The following KIFC3 variants were observed in gnomAD, a reference collection of about 807,000 sequenced individuals.
KIFC3 encodes kinesin family member C3.
KIFC3 carries 60 observed loss-of-function variants against 101.8 expected under a neutral mutation model. The ratio of observed to expected loss-of-function variants is 0.59; its 90% confidence interval spans 0.48 to 0.73. KIFC3 has a LOEUF of 0.73. Among genes scored for constraint, KIFC3 ranks in the 30% least tolerant of loss-of-function variants. The pLI is 0.00. For missense variants in KIFC3, 966 were observed against 1,137.1 expected (o/e 0.85, Z 2.16); for synonymous variants, 476 against 482.7 (o/e 0.99, Z 0.18).
chr16:57,768,509 T>TCACACACA lies in KIFC3; in HGVS notation c.1218+1078_1218+1085dup, dbSNP rs61591593. On this transcript the variant is annotated intron_variant, in intron 9 of 19. Transcript: ENST00000445690. Reference sequence around the variant, plus strand: ...TGGGGGAAGGGCCTACCATATATTCTCACACACACACACACACACACACAC... The same window carrying TCACACACA: ...TGGGGGAAGGGCCTACCATATATTCTCACACACACACACACACACACACACACACACAC... Among the ~76,000 whole-genome samples, 279 of 139,122 alleles carry TCACACACA rather than the reference T, an allele frequency of 2.0e-3. 1 individual carries two copies. Among genetic ancestry groups the TCACACACA allele is most frequent in the African/African-American group, 5.1e-3 (186 of 36,368 alleles). The allele number at this position is 139,122 out of a possible 152,430, so 91.3% of individuals were successfully genotyped here. A position where few individuals can be genotyped will look rare whatever the true frequency, so the allele number is the denominator to read the frequency against.
Position 57,810,327 on chromosome 16 carries a change from C to T in KIFC3, c.109-12045G>A, listed in dbSNP as rs1191621801. Reference sequence around the variant, plus strand: ...CACCACTGCTGCTGCTGCCTTTAAACTGTAGCTTCGCTTTGCTGAGGTTCT... The same window carrying T: ...CACCACTGCTGCTGCTGCCTTTAAATTGTAGCTTCGCTTTGCTGAGGTTCT... On this transcript the variant is annotated intron_variant, in intron 1 of 2. Transcript: ENST00000563028. Among the ~76,000 whole-genome samples the T allele has an allele frequency of 4.6e-5, 7 of 152,360 alleles. No homozygotes were observed. The South Asian group carries it at 1.4e-3, about 32-fold the overall frequency.
chr16:57,812,167 C>T (rs1456221400), intron 1 of KIFC3, among the ~76,000 whole-genome samples: 3 of 151,386 alleles, frequency 2.0e-5, no homozygotes, highest in Non-Finnish European at 2.9e-5. Flanking sequence ...CTCAGCCTAC[C>T]GAGTAGCTGG....
At chr16:57,781,868 C>T (rs1359384615) in intron 3 of KIFC3, 2 of 937,170 alleles carry the variant, frequency 2.1e-6, no homozygotes, top group Non-Finnish European at 2.5e-6. Context: ...AAGTGGTGGA[C>T]CTAGGACCGG....
chr16:57,789,211 G>A (rs1323144080), intron 3 of KIFC3, among the ~76,000 whole-genome samples: 2 of 152,238 alleles, frequency 1.3e-5, no homozygotes, highest in Non-Finnish European at 2.9e-5. Flanking sequence ...GAGTCCGTCC[G>A]AGCAGGGGAA....
At chr16:57,770,262 G>C (rs538402691) in intron 7 of KIFC3, among the ~76,000 whole-genome samples, 3 of 152,392 alleles carry the variant, frequency 2.0e-5, no homozygotes, top group African/African-American at 7.2e-5. Flanking sequence ...ACTGAGCACA[G>C]CCTGTGTGCT....
At position 57,769,983 on chromosome 16, in the gene KIFC3, C is replaced by G. The variant is rs931829599; in HGVS notation, c.940-28G>C. Reference sequence around the variant, plus strand: ...GGCCAGACCAGGAAAAGGCTCAGTACCTCGAGGTGCGGGAGAGAGAGGGGC... The same window carrying G: ...GGCCAGACCAGGAAAAGGCTCAGTAGCTCGAGGTGCGGGAGAGAGAGGGGC... On this transcript the variant is annotated intron_variant, in intron 7 of 19. Coordinates refer to ENST00000445690, the MANE Select transcript of KIFC3 (RefSeq NM_001130100.2). The surrounding 1 kb of genome is among the most constrained non-coding windows in gnomAD (Gnocchi z 4.3). The G allele has an allele frequency of 2.5e-6, 4 of 1,602,018 alleles. No homozygotes were observed. Among genetic ancestry groups the G allele is most frequent in the Non-Finnish European group, 2.5e-6 (3 of 1,177,428 alleles).
At chr16:57,772,679 T>A (rs143789975) in intron 3 of KIFC3, among the ~76,000 whole-genome samples, 5 of 152,150 alleles carry the variant, frequency 3.3e-5, no homozygotes, top group Non-Finnish European at 5.9e-5. Context: ...ATGTTCTCTC[T>A]CTTTAAAAGG....
intron 3 of KIFC3, chr16:57,791,041 A>G: frequency 2.8e-6 from 1 of 355,594 alleles, no homozygotes. Flanking sequence ...CGAGAGCAGC[A>G]TGGCCAGCAT....
chr16:57,837,577 G>GAAAGAAAGAAAGAA (rs1377537360), intron 1 of KIFC3, among the ~76,000 whole-genome samples: 1 of 151,716 alleles, frequency 6.6e-6, no homozygotes, highest in Non-Finnish European at 1.5e-5. Context: ...AAGAAAGAAA[G>GAAAGAAAGAAAGAA]AAAGAGTAGC....
At chr16:57,785,726 G>C in intron 3 of KIFC3, 1 of 1,062,686 alleles carries the variant, frequency 9.4e-7, no homozygotes, top group Non-Finnish European at 1.2e-6. Context: ...GCAGAGGAGG[G>C]GGTCCATCAC....
intron 3 of KIFC3, chr16:57,788,596 TG>T (rs1555618831): frequency 1.6e-6 from 2 of 1,289,166 alleles, no homozygotes; most frequent in South Asian, 2.5e-5. Context: ...ACATTCATGG[TG>T]CCACCAGCTT....
chr16:57,761,543 G>C lies in KIFC3; in HGVS notation c.1749-7C>G. 1 of 1,611,718 alleles carries C rather than the reference G, an allele frequency of 6.2e-7. No individual in the cohort carries two copies. The highest frequency in any genetic ancestry group is 8.5e-7 in the Non-Finnish European group (1 of 1,179,546). ...CTCTTTCCCTAGCAGGTCCCTGGAG[G>C]GGCAGGTGAGACAGTCACCCCCTCC... is the stretch of plus-strand genomic sequence containing the variant. On this transcript the variant is annotated splice_region_variant and splice_polypyrimidine_tract_variant and intron_variant, in intron 13 of 19. Coordinates refer to ENST00000445690, the MANE Select transcript of KIFC3 (RefSeq NM_001130100.2).
intron 1 of KIFC3, chr16:57,810,524 C>A: frequency 3.3e-6 from 1 of 299,328 alleles, no homozygotes; most frequent in Non-Finnish European, 4.9e-6. Context: ...ACACCACCAG[C>A]TTCCAGGTGA....
chr16:57,772,084 A>T, intron 4 of KIFC3, 139 bp downstream of exon 4: 1 of 741,142 alleles, frequency 1.3e-6, no homozygotes, highest in Non-Finnish European at 2.2e-6. Flanking sequence ...GGTGGGGATA[A>T]GGCTCTCGGT....
intron 1 of KIFC3, among the ~76,000 whole-genome samples, chr16:57,853,396 G>A (rs1297255520): frequency 2.0e-5 from 3 of 150,542 alleles, no homozygotes; most frequent in Non-Finnish European, 3.0e-5. Flanking sequence ...TCCAGCCTGG[G>A]TGACAGAACA....
At chr16:57,830,236 CTTTT>C (rs34842791) in intron 1 of KIFC3, among the ~76,000 whole-genome samples, 1 of 119,312 alleles carries the variant, frequency 8.4e-6, no homozygotes, top group Admixed American at 9.2e-5. Flanking sequence ...TTTTTTCTTT[CTTTT>C]TTTTTTTTTT....
In KIFC3 at chr16:57,766,896, G is replaced by A. The variant is rs1555603398; in HGVS notation, c.1308C>T (p.His436=). ...CACCTTTCAGCCGCACGAGCTCATT[G>A]TGGCACTTCTTACGCAGCTGCAGCT... is the stretch of plus-strand genomic sequence containing the variant. ...RRELQLRKKC[H]NELVRLKGNI... Residue 436 remains histidine, a synonymous_variant, in exon 10 of 20, where the codon CAC becomes CAT. Coordinates refer to ENST00000445690, the MANE Select transcript of KIFC3 (RefSeq NM_001130100.2). 1 of 1,611,100 alleles carries A rather than the reference G, an allele frequency of 6.2e-7. No homozygotes were observed.
At chr16:57,828,462 C>T (rs1261193171) in intron 1 of KIFC3, among the ~76,000 whole-genome samples, 2 of 152,216 alleles carry the variant, frequency 1.3e-5, no homozygotes, top group East Asian at 1.9e-4. Context: ...AAGAAGCCAA[C>T]GTGGGTGGCG....
At chr16:57,857,542 C>G (rs1388639177) in intron 1 of KIFC3, among the ~76,000 whole-genome samples, 1 of 151,952 alleles carries the variant, frequency 6.6e-6, no homozygotes, top group African/African-American at 2.4e-5. Context: ...GCTATCCCTC[C>G]TCTAGCCTCC....
Sources: allele counts gnomAD v4.1 joint callset (sites outside exome capture counted in the v4.1 genomes callset), GRCh38; gene constraint gnomAD v4.1.1; non-coding constraint Gnocchi (gnomAD v3.1); transcripts MANE v1.5; gene names NCBI Gene and HGNC (gene_info 2026-07-23, HGNC 2026-07-21).